The following GPR39 variants were observed in gnomAD, a reference collection of about 807,000 sequenced individuals.
GPR39 encodes zinc sensing receptor.
A neutral mutation model predicts 18.4 loss-of-function variants in GPR39; 23 were observed. That is an observed-to-expected ratio of 1.25 (90% confidence interval 0.90 to 1.77). The LOEUF is 1.77. GPR39 is among the 40% of genes most tolerant of loss of function. The pLI is 0.00. For synonymous variants in GPR39, 280 were observed against 257.9 expected (o/e 1.09, Z -0.82); for missense variants, 647 against 602.4 (o/e 1.07, Z -0.78).
chr2:132,502,752 CT>C (rs1327085753), intron 1 of GPR39, among the ~76,000 whole-genome samples: 1 of 152,112 alleles, frequency 6.6e-6, no homozygotes, highest in Non-Finnish European at 1.5e-5. Context: ...TTCTTGGAGG[CT>C]TTGTTCATTT....
chr2:132,514,993 G>A (rs915266933), intron 1 of GPR39, among the ~76,000 whole-genome samples: 2 of 152,028 alleles, frequency 1.3e-5, no homozygotes, highest in South Asian at 2.1e-4. Flanking sequence ...AATGCACAGT[G>A]AAAAAAACAC....
intron 1 of GPR39, among the ~76,000 whole-genome samples, chr2:132,482,587 A>T (rs1320057142): frequency 6.6e-6 from 1 of 152,104 alleles, no homozygotes; most frequent in Non-Finnish European, 1.5e-5. Context: ...CTAGGTTGGG[A>T]TGTGGATGTC....
chr2:132,460,488 A>T (rs1573613104), intron 1 of GPR39, among the ~76,000 whole-genome samples: 1 of 152,356 alleles, frequency 6.6e-6, no homozygotes, highest in East Asian at 1.9e-4. Flanking sequence ...CAATAAGCCA[A>T]TGCTTAAACT....
rs561889107 is a variant in GPR39 at position 132,567,913 on chromosome 2, C to A, written c.857-77188C>A. ...ACAAGCGCTCTTCTCTTGTCTGCCGCTATGTGAGACATGCCTTTCACCTTC... is the reference window on the plus strand; with the variant it reads ...ACAAGCGCTCTTCTCTTGTCTGCCGATATGTGAGACATGCCTTTCACCTTC... On this transcript the variant is annotated intron_variant, in intron 1 of 1. Transcript: ENST00000329321. Among the ~76,000 whole-genome samples, 76 of 152,286 alleles carry A rather than the reference C, an allele frequency of 5.0e-4. 3 individuals are homozygous for A. The South Asian group carries it at 0.015, about 31-fold the overall frequency.
At chr2:132,534,928 A>T (rs992740234) in intron 1 of GPR39, among the ~76,000 whole-genome samples, 2 of 152,068 alleles carry the variant, frequency 1.3e-5, no homozygotes, top group Admixed American at 1.3e-4. Context: ...AACATGGCAC[A>T]TGTGTACATA....
Position 132,583,655 on chromosome 2 carries a change from G to A in GPR39, c.857-61446G>A, listed in dbSNP as rs2104825237. Among the ~76,000 whole-genome samples, 2 of 151,974 alleles carry A rather than the reference G, an allele frequency of 1.3e-5. 1 individual carries two copies. Among genetic ancestry groups the A allele is most frequent in the South Asian group, 4.2e-4 (2 of 4,760 alleles). ...CTTGTGAACTATATGGGTTGAGATT[G>A]AAGAGGGGCATGGCAGGGATGACCT... On this transcript the variant is annotated intron_variant, in intron 1 of 1. Transcript: ENST00000329321.
At chr2:132,443,953 T>TACA (rs1680483258) in intron 1 of GPR39, among the ~76,000 whole-genome samples, 1 of 152,100 alleles carries the variant, frequency 6.6e-6, no homozygotes. Flanking sequence ...CATGCACCTG[T>TACA]AGTCCTAGCT....
intron 1 of GPR39, among the ~76,000 whole-genome samples, chr2:132,525,916 G>GA (rs746321411): frequency 2.0e-5 from 3 of 152,216 alleles, no homozygotes; most frequent in Non-Finnish European, 4.4e-5. Context: ...AATGCTCCAT[G>GA]AAAGTGGACA....
intron 1 of GPR39, among the ~76,000 whole-genome samples, chr2:132,529,902 A>G (rs1323380955): frequency 2.0e-5 from 3 of 152,074 alleles, no homozygotes; most frequent in African/African-American, 7.2e-5. Flanking sequence ...AAAGATGGGG[A>G]AAAAACAGAG....
chr2:132,590,061 A>C (rs758778268), intron 1 of GPR39, among the ~76,000 whole-genome samples: 3 of 152,244 alleles, frequency 2.0e-5, no homozygotes, highest in Non-Finnish European at 4.4e-5. Flanking sequence ...CATATAGTAG[A>C]ATTAAACTTC....
chr2:132,644,984 C>A (rs1681974791), intron 1 of GPR39, 117 bp from the exon 2 acceptor site: 4 of 1,198,280 alleles, frequency 3.3e-6, no homozygotes, highest in Non-Finnish European at 3.5e-6. Context: ...GGTACCATTT[C>A]CTGGCCAGTA....
chr2:132,456,725 C>G (rs1338369844), intron 1 of GPR39, among the ~76,000 whole-genome samples: 1 of 152,206 alleles, frequency 6.6e-6, no homozygotes, highest in East Asian at 1.9e-4. Context: ...TTTTATTTCT[C>G]CTTCACTTAT....
chr2:132,590,478 G>C (rs1680806988), intron 1 of GPR39, among the ~76,000 whole-genome samples: 1 of 152,144 alleles, frequency 6.6e-6, no homozygotes, highest in Non-Finnish European at 1.5e-5. Context: ...TTCTACATGA[G>C]TGGAATGAGG....
intron 1 of GPR39, among the ~76,000 whole-genome samples, chr2:132,586,244 G>C (rs1265520211): frequency 6.6e-6 from 1 of 152,048 alleles, no homozygotes; most frequent in Non-Finnish European, 1.5e-5. Context: ...CATTCACTTG[G>C]AGCATTTATA....
At chr2:132,567,806 G>A (rs540742743) in intron 1 of GPR39, among the ~76,000 whole-genome samples, 3 of 152,058 alleles carry the variant, frequency 2.0e-5, no homozygotes, top group South Asian at 2.1e-4. Context: ...CCTCACCATC[G>A]TTTAATTGGT....
rs148911299 is a variant in GPR39 at position 132,441,950 on chromosome 2, G to A, written c.856+24052G>A. ...GATTTTGCTCCAGTTCCTATGGTGTGTGTTCCCAGGGTGTTTCTCCTTGAA... is the reference window on the plus strand; with the variant it reads ...GATTTTGCTCCAGTTCCTATGGTGTATGTTCCCAGGGTGTTTCTCCTTGAA... On this transcript the variant is annotated intron_variant, in intron 1 of 1. Coordinates refer to ENST00000329321, the MANE Select transcript of GPR39 (RefSeq NM_001508.3). Among the ~76,000 whole-genome samples the A allele has an allele frequency of 3.4e-3, 518 of 152,276 alleles. 3 individuals are homozygous for A. Among genetic ancestry groups the A allele is most frequent in the African/African-American group, 0.012 (500 of 41,550 alleles).
chr2:132,619,372 C>A (rs1027580986), intron 1 of GPR39, among the ~76,000 whole-genome samples: 1 of 152,126 alleles, frequency 6.6e-6, no homozygotes, highest in Non-Finnish European at 1.5e-5. Flanking sequence ...GGTTTGCCCA[C>A]CGAGCGTGTC....
chr2:132,501,054 GT>G (rs55720929), intron 1 of GPR39, among the ~76,000 whole-genome samples: 33,502 of 89,934 alleles, frequency 0.37, 5,234 homozygotes, highest in East Asian at 0.75. Flanking sequence ...TATCTTTTGT[GT>G]TTTTTTTTTT....
intron 1 of GPR39, among the ~76,000 whole-genome samples, chr2:132,570,738 G>T (rs1031265615): frequency 5.1e-4 from 77 of 152,084 alleles, no homozygotes; most frequent in African/African-American, 1.7e-3. Flanking sequence ...CTCTGAATCT[G>T]CCCTCCCCAG....
Sources: gnomAD v4.1 joint callset for allele counts (sites outside exome capture counted in the v4.1 genomes callset) on GRCh38, gnomAD v4.1.1 for gene constraint, MANE v1.5 for transcripts, NCBI Gene and HGNC (gene_info 2026-07-23, HGNC 2026-07-21) for gene names.